RSBN1L: variants seen among roughly 807,000 people sequenced by gnomAD.
RSBN1L encodes the protein round spermatid basic protein 1 like, also known as lysine-specific demethylase RSBN1L.
In RSBN1L, 30 loss-of-function variants were observed where a neutral mutation model predicts 67.7. The ratio of observed to expected loss-of-function variants is 0.44; its 90% CI spans 0.33 to 0.60. The LOEUF (loss-of-function observed/expected upper bound fraction) is 0.60, where lower values mean the gene tolerates loss of function less well. Among genes scored for constraint, RSBN1L ranks in the 20% least tolerant of loss-of-function variants. The pLI, the probability that RSBN1L is intolerant of heterozygous loss-of-function variation, is 0.02. For missense variants in RSBN1L, 992 were observed against 1,031.7 expected (o/e 0.96, Z 0.53); for synonymous variants, 433 against 387.0 (o/e 1.12, Z -1.39).
At chr7:77,739,735 GT>G (rs1791383561) in intron 2 of RSBN1L, among the ~76,000 whole-genome samples, 1 of 74,530 alleles carries the variant, frequency 1.3e-5, no homozygotes, top group African/African-American at 5.8e-5. Flanking sequence ...AAAAAAAAAT[GT>G]GTCTTTTTTT....
At chr7:77,736,159 T>A (rs1052142130) in intron 1 of RSBN1L, among the ~76,000 whole-genome samples, 3 of 152,124 alleles carry the variant, frequency 2.0e-5, no homozygotes, top group Admixed American at 2.0e-4. Context: ...AATATTTTGG[T>A]TGACACGAAG....
chr7:77,725,243 A>AATTTTTTTTTTTTTTTTTTTTTTTTTTTT lies in RSBN1L; in HGVS notation c.587-11167_587-11166insATTTTTTTTTTTTTTTTTTTTTTTTTTTT, dbSNP rs1554338354. Among the ~76,000 whole-genome samples, 34 of 57,878 alleles carry AATTTTTTTTTTTTTTTTTTTTTTTTTTTT rather than the reference A, an allele frequency of 5.9e-4. 2 individuals carry two copies. The highest frequency in any genetic ancestry group is 2.9e-3 in the African/African-American group (33 of 11,300). 38.0% of individuals were successfully genotyped at this position (57,878 alleles called of 152,430 possible). A position where few individuals can be genotyped will look rare whatever the true frequency, so the allele number is the denominator to read the frequency against. ...TTTCTTCCCTAGGGATAAGCCCCCC[A>AATTTTTTTTTTTTTTTTTTTTTTTTTTTT]CTTTTTTTTTTTTTTTTTTTTTGAG... On this transcript the variant is annotated intron_variant, in intron 1 of 7. Coordinates refer to ENST00000334955, the MANE Select transcript of RSBN1L (RefSeq NM_198467.3).
At chr7:77,699,563 A>G (rs1323144331) in intron 1 of RSBN1L, among the ~76,000 whole-genome samples, 3 of 152,188 alleles carry the variant, frequency 2.0e-5, no homozygotes, top group Admixed American at 6.6e-5. Flanking sequence ...TAACTAATTG[A>G]AAGATGGGTG....
At chr7:77,766,491 G>T (rs765486472) in intron 4 of RSBN1L, among the ~76,000 whole-genome samples, 1 of 151,760 alleles carries the variant, frequency 6.6e-6, no homozygotes, top group African/African-American at 2.4e-5. Flanking sequence ...ACCACCACAG[G>T]CCCCTTTAAA....
At chr7:77,755,080 A>T (rs887976280) in intron 3 of RSBN1L, among the ~76,000 whole-genome samples, 5 of 152,222 alleles carry the variant, frequency 3.3e-5, no homozygotes, top group African/African-American at 9.6e-5. Context: ...GCTTTCACCA[A>T]AAGAATTGGT....
Position 77,773,128 on chromosome 7 carries a change from T to C in RSBN1L, c.1626-19T>C. On this transcript the variant is annotated intron_variant, in intron 5 of 7. Coordinates refer to ENST00000334955, the MANE Select transcript of RSBN1L (RefSeq NM_198467.3). ...TAAGTGTCACTATATAAATGTAATT[T>C]TCTTTTTTTAAAAAACAGAACTACC... is the stretch of plus-strand genomic sequence containing the variant. The C allele has an allele frequency of 6.8e-7, 1 of 1,460,060 alleles. No individual in the cohort carries two copies. Among genetic ancestry groups the C allele is most frequent in the Non-Finnish European group, 9.3e-7 (1 of 1,069,586 alleles). 90.4% of individuals were successfully genotyped at this position (1,460,060 alleles called of 1,614,324 possible). A position where few individuals can be genotyped will look rare whatever the true frequency, so the allele number is the denominator to read the frequency against.
rs1482540149 is a variant in RSBN1L, at chr7:77,782,283, C to T, written c.*3115C>T. On this transcript the variant is annotated 3_prime_UTR_variant, in exon 8 of 8. Transcript: ENST00000334955. ...GACCAGAACAATAAAATACATAAGA[C>T]ATCGTTTCTATATGGTCATATACTA... 1 of 152,092 alleles carries T rather than the reference C, an allele frequency of 6.6e-6. No individual in the cohort carries two copies. Among genetic ancestry groups the T allele is most frequent in the Non-Finnish European group, 1.5e-5 (1 of 68,004 alleles). The allele number at this position is 152,092 out of a possible 1,614,324, so 9.4% of individuals were successfully genotyped here. A position where few individuals can be genotyped will look rare whatever the true frequency, so the allele number is the denominator to read the frequency against.
At chr7:77,771,453 T>C (rs1189534028) in intron 5 of RSBN1L, among the ~76,000 whole-genome samples, 1 of 152,064 alleles carries the variant, frequency 6.6e-6, no homozygotes, top group Admixed American at 6.5e-5. Context: ...AATAAAATTT[T>C]ACAGGTTAAT....
At chr7:77,772,373 T>G (rs1197644823) in intron 5 of RSBN1L, among the ~76,000 whole-genome samples, 2 of 152,196 alleles carry the variant, frequency 1.3e-5, no homozygotes, top group Non-Finnish European at 2.9e-5. Flanking sequence ...TAGAGGAAGA[T>G]AAAATGATGA....
chr7:77,734,007 A>G (rs1203230157), intron 1 of RSBN1L, among the ~76,000 whole-genome samples: 2 of 152,194 alleles, frequency 1.3e-5, no homozygotes, highest in East Asian at 1.9e-4. Context: ...TGTGCCTGTA[A>G]TCCCATTTAC....
intron 3 of RSBN1L, among the ~76,000 whole-genome samples, chr7:77,764,101 A>G (rs1325651660): frequency 6.6e-6 from 1 of 152,170 alleles, no homozygotes; most frequent in Non-Finnish European, 1.5e-5. Flanking sequence ...TATCTTTTAT[A>G]ATCTGTGTCT....
chr7:77,703,476 G>GTTTTTTTTTTT (rs1562792479), intron 1 of RSBN1L, among the ~76,000 whole-genome samples: 3 of 101,526 alleles, frequency 3.0e-5, no homozygotes, highest in African/African-American at 1.1e-4. Flanking sequence ...CTACTGTTTG[G>GTTTTTTTTTTT]GTTTTTTTTT....
chr7:77,727,241 C>T (rs1791216261), intron 1 of RSBN1L, among the ~76,000 whole-genome samples: 1 of 152,146 alleles, frequency 6.6e-6, no homozygotes, highest in Non-Finnish European at 1.5e-5. Context: ...ACATGTGCCA[C>T]CACGCCCAAC....
intron 3 of RSBN1L, among the ~76,000 whole-genome samples, chr7:77,751,018 G>A (rs1455093521): frequency 1.3e-5 from 2 of 152,154 alleles, no homozygotes; most frequent in African/African-American, 4.8e-5. Flanking sequence ...TTGGATGGGT[G>A]CTCAAGTTAT....
At chr7:77,762,966 C>G (rs1434696994) in intron 3 of RSBN1L, among the ~76,000 whole-genome samples, 1 of 151,866 alleles carries the variant, frequency 6.6e-6, no homozygotes, top group Admixed American at 6.6e-5. Flanking sequence ...GATAAACTGC[C>G]CAAATTATTT....
In RSBN1L at chr7:77,768,655, C is replaced by T. The variant is rs763593199; in HGVS notation, c.1483-6C>T. On this transcript the variant is annotated splice_region_variant and splice_polypyrimidine_tract_variant and intron_variant, in intron 4 of 7. Coordinates refer to ENST00000334955, the MANE Select transcript of RSBN1L (RefSeq NM_198467.3). ...AATTGCAATCTGCATAATTATTTAT[C>T]TCCAGTGTACACTGCCATGGGGGAC... 5.6e-6 allele frequency: 9 copies of T among 1,607,856 alleles called. No homozygotes were observed. The highest frequency in any genetic ancestry group is 1.7e-6 in the Non-Finnish European group (2 of 1,176,414).
chr7:77,728,882 T>C (rs1214470685), intron 1 of RSBN1L, among the ~76,000 whole-genome samples: 1 of 152,220 alleles, frequency 6.6e-6, no homozygotes, highest in African/African-American at 2.4e-5. Context: ...GGAGATTATC[T>C]GTACCTCAGG....
At chr7:77,719,920 G>A (rs6465779) in intron 1 of RSBN1L, among the ~76,000 whole-genome samples, 87,273 of 151,884 alleles carry the variant, frequency 0.57, 26,950 homozygotes, top group African/African-American at 0.81. Flanking sequence ...GCGCACCACT[G>A]TGCCTGGCTA....
chr7:77,751,891 A>G (rs1178276593), intron 3 of RSBN1L, among the ~76,000 whole-genome samples: 1 of 152,182 alleles, frequency 6.6e-6, no homozygotes, highest in Non-Finnish European at 1.5e-5. Context: ...TATTTCCACA[A>G]TACCACAAAC....
Sources: allele counts gnomAD v4.1 joint callset (sites outside exome capture counted in the v4.1 genomes callset), GRCh38; gene constraint gnomAD v4.1.1; transcripts MANE v1.5; gene names NCBI Gene and HGNC (gene_info 2026-07-23, HGNC 2026-07-21).